The following LRRC57 variants were observed in gnomAD, a reference collection of about 807,000 sequenced individuals.
LRRC57 encodes leucine rich repeat containing 57.
In LRRC57, 14 loss-of-function variants were observed where a neutral mutation model predicts 23.1. The observed-to-expected ratio is 0.61, with a 90% CI of 0.40 to 0.95. The LOEUF (loss-of-function observed/expected upper bound fraction) is 0.95. Ranked by LOEUF, LRRC57 falls within the 40% of genes least tolerant of loss-of-function variation. The pLI, the probability that LRRC57 is intolerant of heterozygous loss-of-function variation, is 0.00. For missense variants in LRRC57, 236 were observed against 284.4 expected (o/e 0.83, Z 1.22); for synonymous variants, 106 against 115.2 (o/e 0.92, Z 0.51).
At chr15:42,530,778 C>A in the LRRC57 span, among the ~76,000 whole-genome samples, 5 of 152,142 alleles carry the variant, frequency 3.3e-5, no homozygotes, top group African/African-American at 1.2e-4. Context: ...GAAAGTCATA[C>A]CTCATTAAAA....
At chr15:42,532,933 GA>G (rs2057580173), downstream of LRRC57, 1 of 152,600 alleles carries the variant, frequency 6.6e-6, no homozygotes, top group African/African-American at 2.4e-5. Context: ...AAAGTGTTAT[GA>G]ACATCTGATT....
At chr15:42,531,160 T>A in the LRRC57 span, among the ~76,000 whole-genome samples, 1 of 152,206 alleles carries the variant, frequency 6.6e-6, no homozygotes, top group African/African-American at 2.4e-5. Context: ...CATGTTAAAC[T>A]ATGAAAAAAT....
the LRRC57 span, among the ~76,000 whole-genome samples, chr15:42,529,171 T>C: frequency 3.3e-5 from 5 of 152,300 alleles, no homozygotes; most frequent in African/African-American, 1.2e-4. Flanking sequence ...TGTAAACAAA[T>C]GAGCACAGCT....
In LRRC57 at chr15:42,545,061, G is replaced by T. The variant is rs369657844; in HGVS notation, c.678+16C>A. The T allele has an allele frequency of 4.1e-5, 64 of 1,547,712 alleles. No homozygotes were observed. The Middle Eastern group carries it at 5.2e-4, about 12-fold the overall frequency. On this transcript the variant is annotated intron_variant, in intron 5 of 5. Transcript: ENST00000397130. ...TGGGGTAGTGACTAGAAATGCAGAA[G>T]TACATTAATTCATACCTTATCATAG...
At chr15:42,537,233 TCACACACACACACA>T (rs71108166), downstream of LRRC57, among the ~76,000 whole-genome samples, 3 of 136,504 alleles carry the variant, frequency 2.2e-5, no homozygotes, top group Non-Finnish European at 4.6e-5. Context: ...TCTCTCTCTC[TCACACACACACACA>T]CACACACACA....
At chr15:42,528,342 C>G in the LRRC57 span, 1 of 1,614,102 alleles carries the variant, frequency 6.2e-7, no homozygotes, top group Non-Finnish European at 8.5e-7. Flanking sequence ...AATGTAGTAT[C>G]TAAACAGCCA....
the LRRC57 span, chr15:42,529,676 A>G: frequency 6.8e-6 from 11 of 1,613,358 alleles, no homozygotes; most frequent in Non-Finnish European, 8.5e-6. Context: ...TTGTGATAGC[A>G]TAACTAATGA....
At chr15:42,535,447 ATTT>A (rs1163369824), downstream of LRRC57, among the ~76,000 whole-genome samples, 1 of 140,782 alleles carries the variant, frequency 7.1e-6, no homozygotes, top group Non-Finnish European at 1.6e-5. Flanking sequence ...CTGTCTTGGC[ATTT>A]TTTTTTTTTT....
Position 42,547,432 on chromosome 15 carries a change from G to T in LRRC57, c.321C>A (p.Leu107=), listed in dbSNP as rs749221618. 2 of 1,614,198 alleles carry T rather than the reference G, an allele frequency of 1.2e-6. No individual in the cohort carries two copies. Among genetic ancestry groups the T allele is most frequent in the Non-Finnish European group, 8.5e-7 (1 of 1,180,032 alleles). ...LRELPSTFGQ[L]SALKTLSLSG... ...AGAGGCTCAGGGTCTTGAGGGCAGAGAGTTGCCCAAAGGTAGACGGCAGCT... is the reference window on the plus strand; with the variant it reads ...AGAGGCTCAGGGTCTTGAGGGCAGATAGTTGCCCAAAGGTAGACGGCAGCT... The change falls in exon 4 of 6, where the codon CTC becomes CTA. Residue 107 remains leucine (L), a synonymous_variant. Transcript: ENST00000397130.
chr15:42,530,501 T>C, the LRRC57 span, among the ~76,000 whole-genome samples: 1 of 152,328 alleles, frequency 6.6e-6, no homozygotes, highest in Middle Eastern at 3.4e-3. Flanking sequence ...AGCTCACACC[T>C]GTAATCTCAA....
rs2057680899 is a variant in LRRC57 at position 42,548,691 on chromosome 15, G to A, written c.-257C>T. ...CGGAAGATCAGGGAGCCCCGGACTC[G>A]CCTCCCACCGCTCAGCTGCCGTAAG... On this transcript the variant is annotated 5_prime_UTR_variant, in exon 1 of 5. Transcript: ENST00000323443. 2 of 622,022 alleles carry A rather than the reference G, an allele frequency of 3.2e-6. No homozygotes were observed. Among genetic ancestry groups the A allele is most frequent in the Non-Finnish European group, 5.6e-6 (2 of 357,132 alleles). The allele number at this position is 622,022 out of a possible 1,614,324, so 38.5% of individuals were successfully genotyped here.
At position 42,542,716 on chromosome 15, in the gene LRRC57, T is replaced by C. The variant is rs911135552; in HGVS notation, c.*1367A>G. ...AAATCTTCAAGAAAATCTTGATTATTAAAGTCCCTTTTATCTTACAAGTGT... is the reference window on the plus strand; with the variant it reads ...AAATCTTCAAGAAAATCTTGATTATCAAAGTCCCTTTTATCTTACAAGTGT... On this transcript the variant is annotated 3_prime_UTR_variant, in exon 6 of 6. Transcript: ENST00000397130. 1.3e-5 allele frequency: 2 copies of C among 152,658 alleles called. No homozygotes were observed. The highest frequency in any genetic ancestry group is 6.5e-5 in the Admixed American group (1 of 15,284). The allele number at this position is 152,658 out of a possible 1,614,324, so 9.5% of individuals were successfully genotyped here.
intron 3 of LRRC57, 196 bp downstream of exon 3, chr15:42,547,910 T>A: frequency 1.7e-6 from 1 of 605,432 alleles, no homozygotes; most frequent in South Asian, 2.2e-5. Flanking sequence ...GTAACAATCA[T>A]TATAACACCC....
At position 42,544,006 on chromosome 15, in the gene LRRC57, G is replaced by A. The variant is rs2141578014; in HGVS notation, c.*77C>T. 1 of 1,168,338 alleles carries A rather than the reference G, an allele frequency of 8.6e-7. No individual in the cohort carries two copies. Among genetic ancestry groups the A allele is most frequent in the Non-Finnish European group, 1.3e-6 (1 of 790,868 alleles). 72.4% of individuals were successfully genotyped at this position (1,168,338 alleles called of 1,614,324 possible). On this transcript the variant is annotated 3_prime_UTR_variant, in exon 6 of 6. Coordinates refer to ENST00000397130, the MANE Select transcript of LRRC57 (RefSeq NM_153260.3). Reference sequence around the variant, plus strand: ...ACTGTAGATACCCCTAACAACAACAGGAGGCTTTGACTCAGCCACATTCCA... The same window carrying A: ...ACTGTAGATACCCCTAACAACAACAAGAGGCTTTGACTCAGCCACATTCCA...
chr15:42,529,470 T>C, the LRRC57 span, among the ~76,000 whole-genome samples: 1 of 152,208 alleles, frequency 6.6e-6, no homozygotes, highest in Non-Finnish European at 1.5e-5. Flanking sequence ...TTCTTTCTTT[T>C]CTTACATGGC....
At chr15:42,533,113 G>A (rs557709306), downstream of LRRC57, 1 of 152,438 alleles carries the variant, frequency 6.6e-6, no homozygotes, top group Admixed American at 6.5e-5. Context: ...TTATTTGGGG[G>A]AAAATAGTTT....
downstream of LRRC57, among the ~76,000 whole-genome samples, chr15:42,534,330 C>G (rs972115132): frequency 2.3e-4 from 35 of 151,994 alleles, no homozygotes; most frequent in Non-Finnish European, 8.8e-5. Flanking sequence ...AGGGTTTCAC[C>G]ACGTTGGTCA....
rs2057635306 is a variant in LRRC57 at position 42,542,432 on chromosome 15, T to G, written c.*1651A>C. On this transcript the variant is annotated 3_prime_UTR_variant, in exon 6 of 6. Coordinates refer to ENST00000397130, the MANE Select transcript of LRRC57 (RefSeq NM_153260.3). Reference sequence around the variant, plus strand: ...TTTCACTACTCATACAATCTGAACATAAGCATGAAACATGTCTTCCTAATC... The same window carrying G: ...TTTCACTACTCATACAATCTGAACAGAAGCATGAAACATGTCTTCCTAATC... 2 of 152,274 alleles carry G rather than the reference T, an allele frequency of 1.3e-5. No homozygotes were observed. The highest frequency in any genetic ancestry group is 2.4e-5 in the African/African-American group (1 of 41,456). The allele number at this position is 152,274 out of a possible 1,614,324, so 9.4% of individuals were successfully genotyped here.
the LRRC57 span, among the ~76,000 whole-genome samples, chr15:42,530,225 C>T: frequency 3.9e-5 from 6 of 152,226 alleles, 1 homozygote; most frequent in South Asian, 1.2e-3. Flanking sequence ...TAGGCTAAAG[C>T]GTTCCTCCCA....
Sources: gnomAD v4.1 joint callset for allele counts (sites outside exome capture counted in the v4.1 genomes callset) on GRCh38, gnomAD v4.1.1 for gene constraint, MANE v1.5 for transcripts, NCBI Gene and HGNC (gene_info 2026-07-23, HGNC 2026-07-21) for gene names.